The following PRKAG2 variants were observed in gnomAD, a reference collection of about 807,000 sequenced individuals.
The protein encoded by PRKAG2 is protein kinase AMP-activated non-catalytic subunit gamma 2.
Under a neutral mutation model 69.6 loss-of-function variants are expected in PRKAG2, and 26 were observed. That is an observed-to-expected ratio of 0.37 (90% CI 0.27 to 0.52). The LOEUF is 0.52. PRKAG2 is among the 20% of genes least tolerant of loss of function. The pLI, the probability that PRKAG2 is intolerant of heterozygous loss-of-function variation, is 0.90. For missense variants in PRKAG2, 557 were observed against 740.0 expected, an observed-to-expected ratio of 0.75 and a Z score of 2.87; for synonymous variants, 293 against 285.0, an observed-to-expected ratio of 1.03 and a Z score of -0.28.
intron 4 of PRKAG2, among the ~76,000 whole-genome samples, chr7:151,671,394 CCA>C (rs1267436688): frequency 2.0e-5 from 3 of 152,156 alleles, no homozygotes; most frequent in Non-Finnish European, 2.9e-5. Flanking sequence ...TCACATTCCT[CCA>C]CAGAGATTAT....
intron 5 of PRKAG2, 90 bp downstream of exon 5, chr7:151,631,979 G>T: frequency 1.8e-6 from 2 of 1,110,082 alleles, no homozygotes; most frequent in Non-Finnish European, 2.2e-6. Context: ...GGGCAGCGCC[G>T]GAGATGGGGC....
chr7:151,808,785 TGAG>T (rs2078258509), intron 1 of PRKAG2, among the ~76,000 whole-genome samples: 1 of 152,070 alleles, frequency 6.6e-6, no homozygotes, highest in African/African-American at 2.4e-5. Flanking sequence ...CTGCGCGGCC[TGAG>T]GGCCGGCCTC....
At chr7:151,621,251 T>C (rs1821417985) in intron 5 of PRKAG2, among the ~76,000 whole-genome samples, 1 of 152,212 alleles carries the variant, frequency 6.6e-6, no homozygotes, top group Non-Finnish European at 1.5e-5. Context: ...TATTTTCCTA[T>C]GTTCTAAAAT....
At chr7:151,624,983 A>C (rs975276772) in intron 5 of PRKAG2, among the ~76,000 whole-genome samples, 2 of 152,196 alleles carry the variant, frequency 1.3e-5, no homozygotes, top group African/African-American at 4.8e-5. Flanking sequence ...TTGTGTGACA[A>C]ATGTTTACTG....
intron 3 of PRKAG2, among the ~76,000 whole-genome samples, chr7:151,711,591 T>C (rs903423828): frequency 1.3e-5 from 2 of 152,222 alleles, no homozygotes; most frequent in African/African-American, 2.4e-5. Flanking sequence ...TTCAACACTT[T>C]AAATCTATTG....
At chr7:151,843,089 A>C (rs1258131138) in intron 1 of PRKAG2, among the ~76,000 whole-genome samples, 1 of 152,046 alleles carries the variant, frequency 6.6e-6, no homozygotes, top group Admixed American at 6.5e-5. Flanking sequence ...GCAAACACAC[A>C]GTGTCTATAT....
chr7:151,704,592 C>T (rs1471305918), intron 3 of PRKAG2, among the ~76,000 whole-genome samples: 1 of 152,194 alleles, frequency 6.6e-6, no homozygotes, highest in Non-Finnish European at 1.5e-5. Flanking sequence ...ACATTCTATA[C>T]ATATGTTCCC....
At chr7:151,869,697 C>G (rs181637487) in intron 1 of PRKAG2, among the ~76,000 whole-genome samples, 1 of 152,220 alleles carries the variant, frequency 6.6e-6, no homozygotes, top group African/African-American at 2.4e-5. Context: ...AGCACTGGGC[C>G]GTGCTCAAGC....
intron 5 of PRKAG2, among the ~76,000 whole-genome samples, chr7:151,601,029 C>T (rs1408939343): frequency 6.6e-6 from 1 of 152,162 alleles, no homozygotes; most frequent in East Asian, 1.9e-4. Flanking sequence ...GTCCCAGGCT[C>T]CAGTAGCTCC....
At chr7:151,827,519 G>A (rs1001244341) in intron 1 of PRKAG2, among the ~76,000 whole-genome samples, 21 of 152,118 alleles carry the variant, frequency 1.4e-4, no homozygotes, top group Non-Finnish European at 2.1e-4. Flanking sequence ...GATTACAGGT[G>A]TGAGCCACTG....
chr7:151,695,386 T>G (rs1836436717), intron 3 of PRKAG2, among the ~76,000 whole-genome samples: 1 of 152,170 alleles, frequency 6.6e-6, no homozygotes, highest in South Asian at 2.1e-4. Flanking sequence ...GAAGGCCAAA[T>G]GCCCTCAGGT....
chr7:151,679,314 G>C (rs1392797875), intron 3 of PRKAG2, among the ~76,000 whole-genome samples: 1 of 152,138 alleles, frequency 6.6e-6, no homozygotes, highest in Non-Finnish European at 1.5e-5. Context: ...GCACTGCCTG[G>C]GGCCTTAGAC....
intron 1 of PRKAG2, among the ~76,000 whole-genome samples, chr7:151,802,476 G>C (rs1017980252): frequency 6.6e-6 from 1 of 152,312 alleles, no homozygotes; most frequent in South Asian, 2.1e-4. Flanking sequence ...CCGTGAAGAA[G>C]AAAGGGGAAC....
chr7:151,733,819 C>A (rs541638442), intron 3 of PRKAG2, among the ~76,000 whole-genome samples: 24 of 152,112 alleles, frequency 1.6e-4, no homozygotes, highest in African/African-American at 5.5e-4. Context: ...CTTCAGCTTT[C>A]TGAGTAGCTG....
chr7:151,845,673 T>TCCTCA (rs2079413553), intron 1 of PRKAG2, among the ~76,000 whole-genome samples: 1 of 152,090 alleles, frequency 6.6e-6, no homozygotes, highest in South Asian at 2.1e-4. Flanking sequence ...AACCTCGTCA[T>TCCTCA]CCTCACAAGG....
intron 6 of PRKAG2, among the ~76,000 whole-genome samples, chr7:151,590,566 GA>G (rs1294568441): frequency 6.6e-6 from 1 of 152,208 alleles, no homozygotes; most frequent in Non-Finnish European, 1.5e-5. Flanking sequence ...CAGTGTCTGA[GA>G]ATCACCTTTC....
chr7:151,712,487 G>C (rs1196687830), intron 3 of PRKAG2, among the ~76,000 whole-genome samples: 1 of 152,210 alleles, frequency 6.6e-6, no homozygotes, highest in African/African-American at 2.4e-5. Context: ...CTGTGAAAGG[G>C]AAAGTCCCCT....
At chr7:151,792,857 C>T (rs1037068874) in intron 1 of PRKAG2, among the ~76,000 whole-genome samples, 7 of 152,208 alleles carry the variant, frequency 4.6e-5, no homozygotes, top group East Asian at 1.9e-4. Context: ...GCCTTGCGTC[C>T]GCCGAGGCCA....
At chr7:151,611,198 C>T (rs1818747821) in intron 5 of PRKAG2, among the ~76,000 whole-genome samples, 1 of 152,148 alleles carries the variant, frequency 6.6e-6, no homozygotes, top group African/African-American at 2.4e-5. Context: ...GTCAGAATGC[C>T]AAGGAGGACT....
Sources: gnomAD v4.1 joint callset for allele counts (sites outside exome capture counted in the v4.1 genomes callset) on GRCh38, gnomAD v4.1.1 for gene constraint, MANE v1.5 for transcripts, NCBI Gene and HGNC (gene_info 2026-07-23, HGNC 2026-07-21) for gene names.